Variants in KHNYN observed in about 807,000 individuals in gnomAD.
The protein encoded by KHNYN is KH and NYN domain containing, also known as protein KHNYN.
In KHNYN, 42 loss-of-function variants were observed where a neutral mutation model predicts 62.7. The observed-to-expected ratio is 0.67, with a 90% CI of 0.52 to 0.87. The LOEUF is 0.87. Among genes scored for constraint, KHNYN ranks in the 40% least tolerant of loss-of-function variants. The pLI is 0.00. For synonymous variants in KHNYN, 347 were observed against 345.6 expected, an observed-to-expected ratio of 1.00 and a Z score of -0.04; for missense variants, 829 against 874.1, an observed-to-expected ratio of 0.95 and a Z score of 0.65.
At chr14:24,436,026 A>G in intron 5 of KHNYN, 46 bp from the exon 6 acceptor site, 4 of 1,376,212 alleles carry the variant, frequency 2.9e-6, no homozygotes, top group Non-Finnish European at 4.2e-6. Flanking sequence ...TGTACCCAGT[A>G]GGTAATTTTT....
At chr14:24,427,767 T>G (rs1566492849), upstream of KHNYN, 1 of 1,612,622 alleles carries the variant, frequency 6.2e-7, no homozygotes. The surrounding 1 kb of genome is among the most constrained non-coding windows in gnomAD (Gnocchi z 4.4). Flanking sequence ...GCTGGATTCT[T>G]GTGCTTGAAA....
chr14:24,438,805 T>G lies in KHNYN; in HGVS notation c.*1520T>G, dbSNP rs2043246593. 6.6e-6 allele frequency: 1 copy of G among 152,194 alleles called. No homozygotes were observed. The highest frequency in any genetic ancestry group is 1.5e-5 in the Non-Finnish European group (1 of 68,038). 9.4% of individuals were successfully genotyped at this position (152,194 alleles called of 1,614,324 possible). ...GATAAAGAAGTAGGACAGGTGCCCC[T>G]GGGTTCTGTTCTGTGTGGGCCTGTG... is the stretch of plus-strand genomic sequence containing the variant. On this transcript the variant is annotated 3_prime_UTR_variant, in exon 8 of 8. Transcript: ENST00000553935.
Position 24,431,962 on chromosome 14 carries a change from C to A in KHNYN, c.701C>A (p.Ser234Tyr). The A allele has an allele frequency of 6.2e-7, 1 of 1,612,972 alleles. No individual in the cohort carries two copies. The highest frequency in any genetic ancestry group is 8.5e-7 in the Non-Finnish European group (1 of 1,179,276). The stretch of plus-strand genomic sequence containing the variant: ...GCTCCCCCTAGTGACGGCAGGGAGT[C>A]CCTGGACACTGGATCTATGGGACCC... ...VRAPPSDGRE[S>Y]LDTGSMGPGD... Residue 234 changes from serine (S) to tyrosine (Y), a missense_variant, in exon 3 of 8, where the codon TCC (serine) becomes TAC (tyrosine). This residue lies in a region of KHNYN where 559 missense variants were observed against 527.0 expected (regional missense o/e 1.06). Transcript: ENST00000553935.
At position 24,432,941 on chromosome 14, in the gene KHNYN, C is replaced by T; in HGVS notation, c.1486C>T (p.His496Tyr). The T allele has an allele frequency of 1.9e-6, 3 of 1,614,172 alleles. No individual in the cohort carries two copies. The highest frequency in any genetic ancestry group is 2.5e-6 in the Non-Finnish European group (3 of 1,180,030). ...FSKDAKVRESHFLQKLYSLSL... is the reference protein window; with the variant it reads ...FSKDAKVRESYFLQKLYSLSL... Reference sequence around the variant, plus strand: ...ATTATGTTCTTTTTCAATAGAGAGTCACTTCCTGCAAAAGCTGTATTCCCT... The same window carrying T: ...ATTATGTTCTTTTTCAATAGAGAGTTACTTCCTGCAAAAGCTGTATTCCCT... The change falls in exon 5 of 8, where the codon CAC becomes TAC. Residue 496 changes from histidine (H) to tyrosine (Y), a missense_variant. Around this residue, in one of 2 missense-constraint regions of KHNYN, gnomAD observed 270 missense variants for 347.1 expected, o/e 0.78. Transcript: ENST00000553935. The surrounding 1 kb of genome is among the most constrained non-coding windows in gnomAD (Gnocchi z 5.6).
At chr14:24,427,645 T>C (rs945790145), upstream of KHNYN, 23 of 771,088 alleles carry the variant, frequency 3.0e-5, no homozygotes, top group Middle Eastern at 3.3e-4. The surrounding 1 kb of genome is among the most constrained non-coding windows in gnomAD (Gnocchi z 4.4). Flanking sequence ...CTCTTAAACT[T>C]GGGTGTTTGG....
chr14:24,436,273 G>A (rs2043202981), intron 6 of KHNYN, 94 bp downstream of exon 6: 38 of 1,430,848 alleles, frequency 2.7e-5, no homozygotes, highest in Non-Finnish European at 3.6e-5. Context: ...CTCTGGGAAG[G>A]AGGTGAAGTT....
In KHNYN at chr14:24,440,439, G is replaced by A. The variant is rs747743173; in HGVS notation, c.*3154G>A. 5.0e-6 allele frequency: 8 copies of A among 1,611,736 alleles called. No individual in the cohort carries two copies. Among genetic ancestry groups the A allele is most frequent in the African/African-American group, 1.3e-5 (1 of 74,888 alleles). ...CCGATGGGGCCCCCCAGGCCCAGGC[G>A]AAAGGGCAGCAGCATGTGGCCCATG... On this transcript the variant is annotated 3_prime_UTR_variant, in exon 8 of 8. Coordinates refer to ENST00000553935, the MANE Select transcript of KHNYN (RefSeq NM_015299.3).
At position 24,441,673 on chromosome 14, in the gene KHNYN, C is replaced by G; in HGVS notation, c.*4388C>G. On this transcript the variant is annotated 3_prime_UTR_variant, in exon 8 of 8. Transcript: ENST00000553935. ...AGGGGCTGGTGATTTGGGGGGCGTA[C>G]CTACACCTGTGACTAAGACCCAGGC... 6.3e-7 allele frequency: 1 copy of G among 1,581,964 alleles called. No individual in the cohort carries two copies. Among genetic ancestry groups the G allele is most frequent in the Middle Eastern group, 1.8e-4 (1 of 5,478 alleles).
In KHNYN at chr14:24,431,936, AG is replaced by A; in HGVS notation, c.676del (p.Ala226LeufsTer77). The A allele has an allele frequency of 6.2e-7, 1 of 1,613,574 alleles. No individual in the cohort carries two copies. Among genetic ancestry groups the A allele is most frequent in the Non-Finnish European group, 8.5e-7 (1 of 1,179,706 alleles). ...TGGGTGCTCAGTGCCAAGGAGTGAG[AG>A]CTCCCCCTAGTGACGGCAGGGAGTC... Reference protein sequence around the residue: ...LLGAQCQGVRAPPSDGRESLD... With the variant: ...LLGAQCQGVRXPPSDGRESLD... On this transcript the variant is annotated frameshift_variant, in exon 3 of 8. Transcript: ENST00000553935. LOFTEE classifies it high-confidence loss of function.
rs2043304467 is a variant in KHNYN, at chr14:24,440,615, G to A, written c.*3330G>A. On this transcript the variant is annotated 3_prime_UTR_variant, in exon 8 of 8. Coordinates refer to ENST00000553935, the MANE Select transcript of KHNYN (RefSeq NM_015299.3). ...GCTGACTTGGCTCTGTAACAGAAGT[G>A]AGCAGTATGGCTGTCTTTAAGACCT... 7.3e-7 allele frequency: 1 copy of A among 1,371,020 alleles called. No individual in the cohort carries two copies. The allele number at this position is 1,371,020 out of a possible 1,614,324, so 84.9% of individuals were successfully genotyped here.
chr14:24,429,924 C>T, upstream of KHNYN: 1 of 1,001,078 alleles, frequency 1.0e-6, no homozygotes, highest in Non-Finnish European at 1.2e-6. Flanking sequence ...GGGCTGACTC[C>T]GCCCCAGGCC....
Position 24,437,295 on chromosome 14 carries a change from G to A in KHNYN, c.*10G>A. The A allele has an allele frequency of 1.2e-6, 2 of 1,603,418 alleles. No individual in the cohort carries two copies. The highest frequency in any genetic ancestry group is 8.5e-7 in the Non-Finnish European group (1 of 1,172,306). ...CAGTCTTAACTTTTGAGCCTCACCT[G>A]CTTGAGTGGCTGCCGCCCTGTCAGC... On this transcript the variant is annotated 3_prime_UTR_variant, in exon 8 of 8. Coordinates refer to ENST00000553935, the MANE Select transcript of KHNYN (RefSeq NM_015299.3). This position sits in a 1 kb window ranked among gnomAD's most constrained non-coding sequence, Gnocchi z 5.5.
At position 24,437,431 on chromosome 14, in the gene KHNYN, T is replaced by C. The variant is rs987705665; in HGVS notation, c.*146T>C. Reference sequence around the variant, plus strand: ...ATCAGGGAAGCCACTTTGGGACAGGTCCATAAAGTGAACTGATCTTACCGA... The same window carrying C: ...ATCAGGGAAGCCACTTTGGGACAGGCCCATAAAGTGAACTGATCTTACCGA... On this transcript the variant is annotated 3_prime_UTR_variant, in exon 8 of 8. Transcript: ENST00000553935. The surrounding 1 kb of genome is among the most constrained non-coding windows in gnomAD (Gnocchi z 5.5). 48 of 916,280 alleles carry C rather than the reference T, an allele frequency of 5.2e-5. No individual in the cohort carries two copies. The African/African-American group carries it at 6.1e-4, about 12-fold the overall frequency. 56.8% of individuals were successfully genotyped at this position (916,280 alleles called of 1,614,324 possible).
Position 24,440,307 on chromosome 14 carries a change from G to C in KHNYN, c.*3022G>C. 1 of 1,614,016 alleles carries C rather than the reference G, an allele frequency of 6.2e-7. No individual in the cohort carries two copies. The highest frequency in any genetic ancestry group is 1.1e-5 in the South Asian group (1 of 91,090). ...AACTCAGCATTAGTGGCGGAGGATG[G>C]AGCCACTCCATTCAGGACCCCGTGC... On this transcript the variant is annotated 3_prime_UTR_variant, in exon 8 of 8. Transcript: ENST00000553935.
At chr14:24,429,074 C>T (rs1460143471), upstream of KHNYN, 3 of 1,470,808 alleles carry the variant, frequency 2.0e-6, 1 homozygote, top group South Asian at 2.7e-5. Context: ...GCTCTGCAAC[C>T]CACAAGTGCC....
At chr14:24,436,554 A>G in intron 7 of KHNYN, 65 bp downstream of exon 7, 2 of 1,216,440 alleles carry the variant, frequency 1.6e-6, no homozygotes, top group Non-Finnish European at 2.3e-6. Context: ...GCAGGCCCAG[A>G]GACTTGGGTG....
chr14:24,430,788 G>C lies in KHNYN; in HGVS notation c.58G>C (p.Ala20Pro). The change falls in exon 2 of 8, where the codon GCT (alanine) becomes CCT (proline). Residue 20 changes from alanine (A) to proline (P), a missense_variant. Around this residue, in one of 2 missense-constraint regions of KHNYN, gnomAD observed 559 missense variants for 527.0 expected, o/e 1.06. Coordinates refer to ENST00000553935, the MANE Select transcript of KHNYN (RefSeq NM_015299.3). ...SPDRFAVSAE[A>P]ENKVREQQPH... The stretch of plus-strand genomic sequence containing the variant: ...AGATCGCTTTGCGGTGTCTGCGGAG[G>C]CTGAGAACAAGGTTCGGGAACAGCA... 1 of 1,605,558 alleles carries C rather than the reference G, an allele frequency of 6.2e-7. No homozygotes were observed. Among genetic ancestry groups the C allele is most frequent in the Admixed American group, 1.7e-5 (1 of 58,720 alleles).
intron 5 of KHNYN, 115 bp downstream of exon 5, chr14:24,433,147 AG>A (rs1483676133): frequency 1.0e-6 from 1 of 955,312 alleles, no homozygotes; most frequent in Non-Finnish European, 1.7e-6. Flanking sequence ...GTGGTGGGTA[AG>A]GGGCCAGTTA....
chr14:24,435,530 A>G (rs1317989422), intron 5 of KHNYN: 1 of 154,792 alleles, frequency 6.5e-6, no homozygotes, highest in Non-Finnish European at 1.4e-5. Flanking sequence ...GCAATATCTG[A>G]ATTACTGGGG....
Sources: gnomAD v4.1 joint callset for allele counts on GRCh38, gnomAD v4.1.1 for gene constraint, gnomAD v4.1.1 regional missense constraint, Gnocchi (gnomAD v3.1) non-coding constraint, MANE v1.5 for transcripts, NCBI Gene and HGNC (gene_info 2026-07-23, HGNC 2026-07-21) for gene names.